XKR6: variants seen among roughly 807,000 people sequenced by gnomAD.
XKR6 encodes the protein XK related 6.
A neutral mutation model predicts 56.7 loss-of-function variants in XKR6; 22 were observed. The observed-to-expected ratio is 0.39, with a 90% CI of 0.28 to 0.55. XKR6 has a LOEUF of 0.55. XKR6 is among the 20% of genes least tolerant of loss of function. The pLI is 0.66. For missense variants in XKR6, 852 were observed against 889.0 expected, an observed-to-expected ratio of 0.96 and a Z score of 0.53; for synonymous variants, 524 against 387.8, an observed-to-expected ratio of 1.35 and a Z score of -4.13.
intron 1 of XKR6, among the ~76,000 whole-genome samples, chr8:10,961,147 A>G (rs11250099): frequency 0.56 from 85,673 of 151,968 alleles, 26,346 homozygotes; most frequent in African/African-American, 0.8. Context: ...GAGCGGATGA[A>G]TCCCAGCAGA....
At chr8:11,158,947 G>A (rs1006022878) in intron 1 of XKR6, among the ~76,000 whole-genome samples, 10 of 152,102 alleles carry the variant, frequency 6.6e-5, no homozygotes, top group East Asian at 1.9e-4. Context: ...CTGAGGACCC[G>A]CTTGCCGGCA....
chr8:10,961,553 C>A (rs192284220), intron 1 of XKR6, among the ~76,000 whole-genome samples: 16 of 152,300 alleles, frequency 1.1e-4, no homozygotes, highest in African/African-American at 3.8e-4. Flanking sequence ...CATGAAGAAA[C>A]CCAAAGAGAA....
chr8:11,199,754 A>C (rs373510564), intron 1 of XKR6, among the ~76,000 whole-genome samples: 1 of 152,186 alleles, frequency 6.6e-6, no homozygotes, highest in African/African-American at 2.4e-5. Flanking sequence ...AAATTTACAA[A>C]ACGAGAAAGG....
intron 1 of XKR6, among the ~76,000 whole-genome samples, chr8:11,096,521 A>G (rs1028507231): frequency 2.0e-5 from 3 of 152,256 alleles, no homozygotes; most frequent in African/African-American, 7.2e-5. Context: ...GCATTGGTGT[A>G]TCTGAACTGA....
intron 1 of XKR6, among the ~76,000 whole-genome samples, chr8:11,082,170 G>A (rs1333206725): frequency 6.6e-6 from 1 of 152,176 alleles, no homozygotes; most frequent in African/African-American, 2.4e-5. Flanking sequence ...GCCAATTTCT[G>A]CTCTGTACAT....
intron 1 of XKR6, among the ~76,000 whole-genome samples, chr8:11,042,536 T>C (rs996884560): frequency 1.3e-5 from 2 of 152,220 alleles, no homozygotes; most frequent in Non-Finnish European, 2.9e-5. Context: ...TCTGCCATGA[T>C]TGTGAAGCCT....
chr8:10,905,879 C>T (rs553776556), intron 2 of XKR6, among the ~76,000 whole-genome samples: 11 of 152,294 alleles, frequency 7.2e-5, no homozygotes, highest in South Asian at 2.1e-4. Context: ...CTGTGTCCAC[C>T]GCCTCTCTAA....
chr8:11,063,025 C>A (rs991142778), intron 1 of XKR6: 2 of 356,628 alleles, frequency 5.6e-6, no homozygotes, highest in African/African-American at 2.1e-5. Context: ...GAATGCCAGC[C>A]ACAAATTGGC....
At chr8:11,122,579 C>A (rs998701581) in intron 1 of XKR6, among the ~76,000 whole-genome samples, 1 of 152,208 alleles carries the variant, frequency 6.6e-6, no homozygotes, top group African/African-American at 2.4e-5. Flanking sequence ...TTTCCATTGG[C>A]ACTCTTATTT....
At chr8:11,028,950 G>GT (rs1327584125) in intron 1 of XKR6, among the ~76,000 whole-genome samples, 1 of 152,076 alleles carries the variant, frequency 6.6e-6, no homozygotes, top group Non-Finnish European at 1.5e-5. Flanking sequence ...CTGCTCCCTG[G>GT]TACCTGTCTC....
chr8:10,958,377 T>C (rs1801961655), intron 1 of XKR6, among the ~76,000 whole-genome samples: 1 of 152,222 alleles, frequency 6.6e-6, no homozygotes, highest in Admixed American at 6.5e-5. Flanking sequence ...TCATCTTCGT[T>C]TTCACTGTGC....
intron 1 of XKR6, among the ~76,000 whole-genome samples, chr8:11,151,914 T>C (rs1325483099): frequency 1.3e-5 from 2 of 152,094 alleles, no homozygotes; most frequent in Non-Finnish European, 2.9e-5. Context: ...TTAGTACTTG[T>C]TGGGAAGGAA....
rs537816081 is a variant in XKR6, at chr8:11,014,491, T to C, written c.765-89661A>G. Among the ~76,000 whole-genome samples the C allele has an allele frequency of 2.0e-5, 3 of 152,214 alleles. No homozygotes were observed. In the South Asian group the frequency reaches 6.2e-4, roughly 32 times the overall value. On this transcript the variant is annotated intron_variant, in intron 1 of 2. Coordinates refer to ENST00000416569, the MANE Select transcript of XKR6 (RefSeq NM_173683.4). ...GGCCCTGCAAACACTTCCAGTAAGG[T>C]TGGAGCCTCCCCTTTCCTATGGGTT...
At chr8:11,137,532 C>T (rs3736014) in intron 1 of XKR6, 67,666 of 455,952 alleles carry the variant, frequency 0.15, 9,744 homozygotes, top group African/African-American at 0.54. Context: ...GCAACTGCTG[C>T]GGTATACCCA....
chr8:11,192,790 G>A (rs1803652304), intron 1 of XKR6, among the ~76,000 whole-genome samples: 2 of 152,158 alleles, frequency 1.3e-5, no homozygotes, highest in South Asian at 2.1e-4. Context: ...GAATCCGCAT[G>A]TTAATGGCCC....
At chr8:11,178,554 A>ATATATATATATATGTG (rs1554479882) in intron 1 of XKR6, among the ~76,000 whole-genome samples, 3 of 124,474 alleles carry the variant, frequency 2.4e-5, no homozygotes, top group Non-Finnish European at 4.7e-5. Flanking sequence ...AAAAATATAT[A>ATATATATATATATGTG]TATATATATA....
At chr8:10,962,870 G>T (rs569349633) in intron 1 of XKR6, among the ~76,000 whole-genome samples, 1 of 152,078 alleles carries the variant, frequency 6.6e-6, no homozygotes, top group Non-Finnish European at 1.5e-5. Context: ...TAATCCACCC[G>T]CCTCGGCCTC....
chr8:11,065,026 C>G (rs1799940584), intron 1 of XKR6, among the ~76,000 whole-genome samples: 1 of 152,000 alleles, frequency 6.6e-6, no homozygotes, highest in Non-Finnish European at 1.5e-5. Context: ...TGCCTATTTG[C>G]TAAAAGGATA....
intron 1 of XKR6, among the ~76,000 whole-genome samples, chr8:11,116,867 T>C (rs1261768361): frequency 6.6e-6 from 1 of 152,134 alleles, no homozygotes; most frequent in African/African-American, 2.4e-5. Flanking sequence ...CTGTCCTAAC[T>C]CCAAAACTTT....
Sources: allele counts gnomAD v4.1 joint callset (sites outside exome capture counted in the v4.1 genomes callset), GRCh38; gene constraint gnomAD v4.1.1; transcripts MANE v1.5; gene names NCBI Gene and HGNC (gene_info 2026-07-23, HGNC 2026-07-21).